Variants in STK32B observed in about 807,000 individuals in gnomAD.
STK32B encodes serine/threonine kinase 32B.
STK32B carries 43 observed loss-of-function variants against 52.6 expected under a neutral mutation model. The observed-to-expected ratio is 0.82, with a 90% CI of 0.64 to 1.05. The LOEUF is 1.05. Among genes scored for constraint, STK32B ranks in the 50% least tolerant of loss-of-function variants. The probability of loss-of-function intolerance (pLI) is 0.00; values close to 1 mark genes in which losing one functional copy is unlikely to be tolerated. For missense variants in STK32B, 621 were observed against 534.6 expected, an observed-to-expected ratio of 1.16 and a Z score of -1.59; for synonymous variants, 238 against 204.3, an observed-to-expected ratio of 1.17 and a Z score of -1.41.
intron 1 of STK32B, among the ~76,000 whole-genome samples, chr4:5,081,237 A>G (rs1560141435): frequency 1.3e-5 from 2 of 152,232 alleles, no homozygotes; most frequent in Non-Finnish European, 2.9e-5. Context: ...CAACAGACAC[A>G]TAAGTTGGAG....
rs143299942 is a variant in STK32B at position 5,378,298 on chromosome 4, C to T, written c.435-19909C>T. ...GGACAAGGATGACAGTCCATGGTAACGGTTTTCACACTTGAGGCTGCAGAT... is the reference window on the plus strand; with the variant it reads ...GGACAAGGATGACAGTCCATGGTAATGGTTTTCACACTTGAGGCTGCAGAT... On this transcript the variant is annotated intron_variant, in intron 4 of 11. Transcript: ENST00000282908. The surrounding 1 kb of genome is among the most constrained non-coding windows in gnomAD (Gnocchi z 4.4). 6.9e-3 allele frequency among the ~76,000 whole-genome samples: 1,045 copies of T among 152,232 alleles called. 6 individuals are homozygous for T. Among genetic ancestry groups the T allele is most frequent in the Non-Finnish European group, 0.011 (762 of 68,010 alleles).
intron 3 of STK32B, among the ~76,000 whole-genome samples, chr4:5,275,195 C>T (rs796249831): frequency 2.4e-4 from 36 of 152,306 alleles, no homozygotes; most frequent in African/African-American, 8.2e-4. Context: ...AGGACCCCCC[C>T]AGTTAACAAA....
intron 3 of STK32B, among the ~76,000 whole-genome samples, chr4:5,289,887 A>G (rs1451474655): frequency 2.0e-5 from 3 of 151,676 alleles, no homozygotes; most frequent in Middle Eastern, 3.4e-3. Flanking sequence ...AGGTTCAGGG[A>G]TACGTGTGCA....
chr4:5,064,435 TATA>T lies in STK32B; in HGVS notation c.52+12524_52+12526del, dbSNP rs1324922094. On this transcript the variant is annotated intron_variant, in intron 1 of 11. Coordinates refer to ENST00000282908, the MANE Select transcript of STK32B (RefSeq NM_018401.3). ...ATATATAAATATATACTTATATACATATAATATATAAATATATACTTATATACA... is the reference window on the plus strand; with the variant it reads ...ATATATAAATATATACTTATATACATATATATAAATATATACTTATATACA... Among the ~76,000 whole-genome samples the T allele has an allele frequency of 4.5e-5, 5 of 110,900 alleles. 1 individual carries two copies. The highest frequency in any genetic ancestry group is 2.6e-4 in the South Asian group (1 of 3,806). 72.8% of individuals were successfully genotyped at this position (110,900 alleles called of 152,430 possible). A position where few individuals can be genotyped will look rare whatever the true frequency, so the allele number is the denominator to read the frequency against.
chr4:5,419,420 G>A lies in STK32B; in HGVS notation c.562+2486G>A, dbSNP rs549910033. 2.6e-5 allele frequency among the ~76,000 whole-genome samples: 4 copies of A among 152,292 alleles called. No individual in the cohort carries two copies. The East Asian group carries it at 5.8e-4, about 22-fold the overall frequency. On this transcript the variant is annotated intron_variant, in intron 6 of 11. Coordinates refer to ENST00000282908, the MANE Select transcript of STK32B (RefSeq NM_018401.3). ...TTTTCCTGGAAGGAGTTGTGGCTGG[G>A]TGGATTATAGACTTTTGATGTCCCA...
chr4:5,457,499 G>A (rs1716655549), intron 8 of STK32B, among the ~76,000 whole-genome samples: 1 of 151,430 alleles, frequency 6.6e-6, no homozygotes, highest in Non-Finnish European at 1.5e-5. Context: ...ACAGGCGTGA[G>A]CCACCGTGCC....
At chr4:5,033,035 G>C in the STK32B span, among the ~76,000 whole-genome samples, 1 of 152,132 alleles carries the variant, frequency 6.6e-6, no homozygotes, top group Non-Finnish European at 1.5e-5. Context: ...CCAAAGGCCC[G>C]AGGCTACTGC....
chr4:5,359,634 T>G (rs1412536812), intron 4 of STK32B, among the ~76,000 whole-genome samples: 1 of 152,124 alleles, frequency 6.6e-6, no homozygotes, highest in Non-Finnish European at 1.5e-5. Flanking sequence ...GGGGTCTGTT[T>G]TGCTGCTGTA....
intron 4 of STK32B, among the ~76,000 whole-genome samples, chr4:5,340,701 TAAAC>T (rs1733016693): frequency 6.6e-6 from 1 of 152,212 alleles, no homozygotes; most frequent in African/African-American, 2.4e-5. Flanking sequence ...TCAAGTTTAT[TAAAC>T]AATGAATCAA....
chr4:5,389,800 T>G (rs1736484722), intron 4 of STK32B, among the ~76,000 whole-genome samples: 1 of 152,212 alleles, frequency 6.6e-6, no homozygotes, highest in African/African-American at 2.4e-5. Context: ...AAAGGGACTT[T>G]GCAGATGTGA....
intron 8 of STK32B, among the ~76,000 whole-genome samples, chr4:5,459,556 T>C (rs1156524678): frequency 6.6e-6 from 1 of 152,174 alleles, no homozygotes; most frequent in Non-Finnish European, 1.5e-5. Context: ...GGATGCCAGG[T>C]CATAGTCTTC....
At chr4:5,339,842 A>C (rs565859946) in intron 4 of STK32B, among the ~76,000 whole-genome samples, 2 of 152,184 alleles carry the variant, frequency 1.3e-5, no homozygotes, top group African/African-American at 2.4e-5. Flanking sequence ...TAAAGAATTT[A>C]TCTGTGCCTG....
Position 5,373,826 on chromosome 4 carries a change from A to C in STK32B, c.435-24381A>C, listed in dbSNP as rs913718845. On this transcript the variant is annotated intron_variant, in intron 4 of 11. Coordinates refer to ENST00000282908, the MANE Select transcript of STK32B (RefSeq NM_018401.3). ...CTGAGTATGTGGGTCCCCCATGATC[A>C]TGCTTCCAAGATGGTTTCAACCTTT... is the stretch of plus-strand genomic sequence containing the variant. Among the ~76,000 whole-genome samples the C allele has an allele frequency of 3.3e-5, 5 of 152,210 alleles. No homozygotes were observed. The East Asian group carries it at 9.6e-4, about 29-fold the overall frequency.
intron 3 of STK32B, among the ~76,000 whole-genome samples, chr4:5,174,555 T>G (rs1719670312): frequency 6.6e-6 from 1 of 152,220 alleles, no homozygotes; most frequent in Admixed American, 6.5e-5. Flanking sequence ...TCTCCTTCAC[T>G]TATGCAGCAT....
intron 3 of STK32B, among the ~76,000 whole-genome samples, chr4:5,255,893 C>A (rs1201552394): frequency 1.3e-5 from 2 of 152,134 alleles, no homozygotes; most frequent in African/African-American, 4.8e-5. Context: ...ACATTCTTAT[C>A]CATGGTGAAC....
chr4:5,419,406 G>A (rs1712438448), intron 6 of STK32B, among the ~76,000 whole-genome samples: 1 of 152,212 alleles, frequency 6.6e-6, no homozygotes, highest in African/African-American at 2.4e-5. Context: ...TTTCCTGGAA[G>A]GAGTTGTGGC....
At chr4:5,403,802 G>A (rs1201955243) in intron 5 of STK32B, among the ~76,000 whole-genome samples, 1 of 152,132 alleles carries the variant, frequency 6.6e-6, no homozygotes. Context: ...TGCTTGTGAA[G>A]CATCAGATTT....
intron 3 of STK32B, among the ~76,000 whole-genome samples, chr4:5,236,839 C>T (rs544699891): frequency 4.6e-5 from 7 of 152,132 alleles, no homozygotes; most frequent in Non-Finnish European, 8.8e-5. Flanking sequence ...CGGCTAGGGA[C>T]GTTCTAGTAT....
At chr4:5,412,276 T>C (rs1711759200) in intron 5 of STK32B, among the ~76,000 whole-genome samples, 1 of 152,240 alleles carries the variant, frequency 6.6e-6, no homozygotes, top group Admixed American at 6.5e-5. Flanking sequence ...TCACATTCTA[T>C]AGTAAACTTT....
Sources: allele counts gnomAD v4.1 joint callset (sites outside exome capture counted in the v4.1 genomes callset), GRCh38; gene constraint gnomAD v4.1.1; non-coding constraint Gnocchi (gnomAD v3.1); transcripts MANE v1.5; gene names NCBI Gene and HGNC (gene_info 2026-07-23, HGNC 2026-07-21).